Variants in POLA2 observed in about 807,000 individuals in gnomAD.
POLA2 encodes DNA polymerase alpha subunit B.
A neutral mutation model predicts 82.8 loss-of-function variants in POLA2; 47 were observed. The observed-to-expected ratio is 0.57, with a 90% confidence interval of 0.45 to 0.72. The LOEUF (loss-of-function observed/expected upper bound fraction) is 0.72, where lower values mean the gene tolerates loss of function less well. Ranked by LOEUF, POLA2 falls within the 30% of genes least tolerant of loss-of-function variation. The pLI, the probability that POLA2 is intolerant of heterozygous loss-of-function variation, is 0.00. For missense variants in POLA2, 634 were observed against 728.1 expected, an observed-to-expected ratio of 0.87 and a Z score of 1.49; for synonymous variants, 287 against 286.8, an observed-to-expected ratio of 1.00 and a Z score of -0.01.
At chr11:65,273,947 C>G (rs1012528860) in intron 4 of POLA2, among the ~76,000 whole-genome samples, 21 of 151,986 alleles carry the variant, frequency 1.4e-4, no homozygotes, top group Admixed American at 1.3e-3. Flanking sequence ...CTTAATTTGC[C>G]AAATCACTTT....
intron 3 of POLA2, among the ~76,000 whole-genome samples, chr11:65,267,941 A>G (rs749618996): frequency 6.6e-6 from 1 of 151,548 alleles, no homozygotes; most frequent in Non-Finnish European, 1.5e-5. Flanking sequence ...ACAGGTGCAC[A>G]CCACCACACC....
chr11:65,266,536 C>A (rs374332085), intron 1 of POLA2, 46 bp from the exon 2 acceptor site: 1 of 1,605,976 alleles, frequency 6.2e-7, no homozygotes, highest in East Asian at 2.2e-5. Context: ...GGTGAAACTT[C>A]GAGAAATGAA....
At chr11:65,301,540 G>A (rs1038263714), downstream of POLA2, among the ~76,000 whole-genome samples, 11 of 152,240 alleles carry the variant, frequency 7.2e-5, no homozygotes, top group South Asian at 4.1e-4. Context: ...AGACATGGGC[G>A]TTGGAGGGGT....
intron 13 of POLA2, among the ~76,000 whole-genome samples, chr11:65,291,640 CTG>C (rs1331172275): frequency 6.6e-6 from 1 of 152,220 alleles, no homozygotes; most frequent in Non-Finnish European, 1.5e-5. Context: ...TAGGCAGGGA[CTG>C]TGTTGTAGTG....
At position 65,275,885 on chromosome 11, in the gene POLA2, T is replaced by TC. The variant is rs771002366; in HGVS notation, c.355-4dup. 6.4e-7 allele frequency: 1 copy of TC among 1,569,904 alleles called. No homozygotes were observed. The highest frequency in any genetic ancestry group is 8.7e-7 in the Non-Finnish European group (1 of 1,143,354). On this transcript the variant is annotated splice_region_variant and splice_polypyrimidine_tract_variant and intron_variant, in intron 4 of 17. Coordinates refer to ENST00000265465, the MANE Select transcript of POLA2 (RefSeq NM_002689.4). ...ACTGAGATTTTGTTTTCCTTTTTTT[T>TC]CCCTAGGGTTCTCAGAAGCGAGCTA...
intron 10 of POLA2, 87 bp from the exon 11 acceptor site, chr11:65,287,629 C>T: frequency 7.2e-6 from 9 of 1,242,150 alleles, no homozygotes; most frequent in Non-Finnish European, 9.1e-6. Flanking sequence ...GAGTTAAATC[C>T]TGTGGCATTT....
intron 2 of POLA2, 65 bp downstream of exon 2, chr11:65,266,771 T>A: frequency 1.3e-6 from 2 of 1,557,884 alleles, no homozygotes; most frequent in Non-Finnish European, 1.8e-6. Context: ...GGGGAGGCAT[T>A]GTGATATATT....
intron 17 of POLA2, 25 bp from the exon 18 acceptor site, chr11:65,297,095 C>G: frequency 6.2e-7 from 1 of 1,613,524 alleles, no homozygotes; most frequent in South Asian, 1.1e-5. Flanking sequence ...CTCTCCAAAC[C>G]TGTCACCTCT....
chr11:65,293,729 G>A (rs1005232792), intron 13 of POLA2, among the ~76,000 whole-genome samples: 2 of 152,030 alleles, frequency 1.3e-5, no homozygotes, highest in African/African-American at 2.4e-5. Flanking sequence ...TTTACTGCCT[G>A]CAGGCTACAC....
rs75205522 is a variant in POLA2 at position 65,287,869 on chromosome 11, A to G, written c.1131+29A>G. On this transcript the variant is annotated intron_variant, in intron 11 of 17. Transcript: ENST00000265465. ...AGAGGCACCAGTGGGAAAGCTGAGG[A>G]GTCAGCCTTGGAAAATGGCTTTAAT... 2.4e-4 allele frequency: 384 copies of G among 1,605,876 alleles called. 1 individual carries two copies. The African/African-American group carries it at 4.0e-3, about 17-fold the overall frequency.
intron 5 of POLA2, among the ~76,000 whole-genome samples, chr11:65,277,071 G>T (rs746844286): frequency 2.8e-4 from 42 of 151,948 alleles, no homozygotes; most frequent in Non-Finnish European, 5.7e-4. Context: ...TGTCAAGCAT[G>T]TGCCACTGCT....
intron 10 of POLA2, 81 bp from the exon 11 acceptor site, chr11:65,287,635 C>T (rs1035723079): frequency 7.8e-7 from 1 of 1,275,152 alleles, no homozygotes; most frequent in Non-Finnish European, 1.1e-6. Context: ...AATCCTGTGG[C>T]ATTTCCCATC....
intron 5 of POLA2, among the ~76,000 whole-genome samples, chr11:65,277,015 C>G (rs1949588022): frequency 6.6e-6 from 1 of 151,978 alleles, no homozygotes; most frequent in Non-Finnish European, 1.5e-5. Flanking sequence ...ATCTTGCACT[C>G]CTGACCTCAG....
rs910519904 is a variant in POLA2 at position 65,273,388 on chromosome 11, T to C, written c.355-2504T>C. The stretch of plus-strand genomic sequence containing the variant: ...GTGTTAATAATGAATCGTATGAGCT[T>C]GGTTAAAGGGAGCGCATCCTTGAGA... On this transcript the variant is annotated intron_variant, in intron 4 of 17. Coordinates refer to ENST00000265465, the MANE Select transcript of POLA2 (RefSeq NM_002689.4). Among the ~76,000 whole-genome samples, 3 of 152,140 alleles carry C rather than the reference T, an allele frequency of 2.0e-5. No homozygotes were observed. In the South Asian group the frequency reaches 6.2e-4, roughly 32 times the overall value.
chr11:65,290,975 A>T (rs182630104), intron 13 of POLA2, among the ~76,000 whole-genome samples: 2 of 152,352 alleles, frequency 1.3e-5, no homozygotes, highest in East Asian at 3.9e-4. Flanking sequence ...GCCATAGACC[A>T]AACGGAAGGA....
chr11:65,294,807 C>T (rs1201071109), intron 15 of POLA2, 155 bp downstream of exon 15: 1 of 548,012 alleles, frequency 1.8e-6, no homozygotes, highest in Non-Finnish European at 3.2e-6. Context: ...CTGAGTTTCT[C>T]TGTACCCAAG....
intron 3 of POLA2, 34 bp downstream of exon 3, chr11:65,267,602 C>T (rs193230667): frequency 2.4e-4 from 310 of 1,303,200 alleles, no homozygotes; most frequent in Non-Finnish European, 3.1e-4. Flanking sequence ...TTGCACCAAG[C>T]TACATGTTGT....
chr11:65,300,705 C>T (rs1169735610), downstream of POLA2, among the ~76,000 whole-genome samples: 1 of 152,232 alleles, frequency 6.6e-6, no homozygotes, highest in African/African-American at 2.4e-5. Flanking sequence ...GCCTCAGCCT[C>T]CTGTGTAGCT....
downstream of POLA2, among the ~76,000 whole-genome samples, chr11:65,303,074 G>A (rs890110266): frequency 7.2e-5 from 11 of 152,184 alleles, no homozygotes; most frequent in African/African-American, 2.7e-4. Context: ...CAGGCGCGGT[G>A]GCTGACGCCT....
Sources: allele counts gnomAD v4.1 joint callset (sites outside exome capture counted in the v4.1 genomes callset), GRCh38; gene constraint gnomAD v4.1.1; transcripts MANE v1.5; gene names NCBI Gene and HGNC (gene_info 2026-07-23, HGNC 2026-07-21).